RASA1: variants seen among roughly 807,000 people sequenced by gnomAD.
RASA1 encodes the protein RAS p21 protein activator 1.
Under a neutral mutation model 132.2 loss-of-function variants are expected in RASA1, and 25 were observed. The observed-to-expected ratio is 0.19, with a 90% CI of 0.14 to 0.26. The LOEUF (loss-of-function observed/expected upper bound fraction) is 0.26, where lower values mean the gene tolerates loss of function less well. RASA1 is among the 10% of genes least tolerant of loss of function. The pLI is 1.00. For missense variants in RASA1, 964 were observed against 1,299.2 expected, an observed-to-expected ratio of 0.74 and a Z score of 3.97; for synonymous variants, 477 against 449.9, an observed-to-expected ratio of 1.06 and a Z score of -0.76.
Position 87,385,319 on chromosome 5 carries a change from C to G in RASA1, c.2777C>G (p.Ala926Gly), listed in dbSNP as rs1761992874. 1 of 1,609,766 alleles carries G rather than the reference C, an allele frequency of 6.2e-7. No individual in the cohort carries two copies. The highest frequency in any genetic ancestry group is 8.5e-7 in the Non-Finnish European group (1 of 1,176,496). The change falls in exon 22 of 25, where the codon GCT becomes GGT. Residue 926 changes from alanine (A) to glycine (G), a missense_variant. By Grantham distance (60) the Ala-to-Gly change is moderately conservative (BLOSUM62 0). This residue lies in a region of RASA1 where 107 missense variants were observed against 163.8 expected (regional missense o/e 0.65). Coordinates refer to ENST00000274376, the MANE Select transcript of RASA1 (RefSeq NM_002890.3). ...NIISDSPSPI[A>G]ARTLILVAKS... ...GTTACAGATTCTCCATCTCCTATTGCTGCAAGAACACTGATATTAGTGGCT... is the reference window on the plus strand; with the variant it reads ...GTTACAGATTCTCCATCTCCTATTGGTGCAAGAACACTGATATTAGTGGCT...
At chr5:87,319,762 T>G (rs139431289) in intron 1 of RASA1, among the ~76,000 whole-genome samples, 88 of 152,278 alleles carry the variant, frequency 5.8e-4, no homozygotes, top group African/African-American at 1.9e-3. Context: ...TCTTGGCTAT[T>G]AGCATTTGGC....
At position 87,268,795 on chromosome 5, in the gene RASA1, C is replaced by T. The variant is rs576329276; in HGVS notation, c.344C>T (p.Ala115Val). The T allele has an allele frequency of 6.2e-7, 1 of 1,614,114 alleles. No homozygotes were observed. Among genetic ancestry groups the T allele is most frequent in the African/African-American group, 1.3e-5 (1 of 75,044 alleles). The stretch of plus-strand genomic sequence containing the variant: ...GTTGCTGGACCTAGTGGAGACATGG[C>T]TCTCACCAAACTGCCCACTTCGTTG... ...AAVAGPSGDM[A>V]LTKLPTSLLA... The change falls in exon 1 of 25, where the codon GCT (alanine) becomes GTT (valine). Residue 115 changes from alanine to valine, a missense_variant. By Grantham distance (64) the Ala-to-Val change is moderately conservative. Transcript: ENST00000274376.
intron 1 of RASA1, among the ~76,000 whole-genome samples, chr5:87,282,065 G>GT (rs1324422571): frequency 6.6e-6 from 1 of 151,660 alleles, no homozygotes; most frequent in Non-Finnish European, 1.5e-5. Context: ...CAGCTTACTT[G>GT]TTTTTTTCTT....
intron 4 of RASA1, 105 bp downstream of exon 4, chr5:87,333,442 C>T: frequency 6.6e-7 from 1 of 1,519,190 alleles, no homozygotes; most frequent in Non-Finnish European, 8.9e-7. Flanking sequence ...AAATGGCATA[C>T]AGCAAGGTGA....
intron 23 of RASA1, among the ~76,000 whole-genome samples, chr5:87,387,308 A>G (rs1762130601): frequency 6.6e-6 from 1 of 152,176 alleles, no homozygotes; most frequent in Admixed American, 6.5e-5. Context: ...AAGTAGACTG[A>G]AAAGTCTTCT....
At chr5:87,375,059 A>G (rs1761229191) in intron 15 of RASA1, 143 bp downstream of exon 15, 3 of 1,156,510 alleles carry the variant, frequency 2.6e-6, no homozygotes, top group South Asian at 1.6e-5. Flanking sequence ...TGTACTTCTT[A>G]AAGTATTGAT....
At chr5:87,269,896 T>C (rs1017544613) in intron 1 of RASA1, among the ~76,000 whole-genome samples, 11 of 152,150 alleles carry the variant, frequency 7.2e-5, no homozygotes, top group Non-Finnish European at 1.2e-4. Flanking sequence ...GGAAGTGTTA[T>C]TAGGCAAAAC....
chr5:87,296,128 CT>C (rs982774488), intron 1 of RASA1, among the ~76,000 whole-genome samples: 1 of 146,930 alleles, frequency 6.8e-6, no homozygotes, highest in Non-Finnish European at 1.5e-5. Context: ...TTTTTTTTTT[CT>C]TTTTTTTCCT....
At chr5:87,321,119 T>C (rs1756767231) in intron 1 of RASA1, among the ~76,000 whole-genome samples, 1 of 152,152 alleles carries the variant, frequency 6.6e-6, no homozygotes, top group South Asian at 2.1e-4. Flanking sequence ...GAGAGGGTAG[T>C]AATGAATGAA....
chr5:87,297,142 C>T (rs1323428164), intron 1 of RASA1, among the ~76,000 whole-genome samples: 1 of 152,132 alleles, frequency 6.6e-6, no homozygotes, highest in African/African-American at 2.4e-5. Flanking sequence ...ATTTCCGTTT[C>T]TCTGCTTACA....
chr5:87,389,210 A>C, intron 23 of RASA1, 183 bp from the exon 24 acceptor site: 1 of 593,056 alleles, frequency 1.7e-6, no homozygotes, highest in Non-Finnish European at 2.9e-6. Context: ...AGGTGCCTGT[A>C]ATCCCAGCTA....
chr5:87,373,850 TC>T (rs1761126566), intron 13 of RASA1, among the ~76,000 whole-genome samples: 1 of 152,106 alleles, frequency 6.6e-6, no homozygotes, highest in Non-Finnish European at 1.5e-5. Flanking sequence ...CTTCTTAACT[TC>T]ATTTTCTCTT....
intron 20 of RASA1, among the ~76,000 whole-genome samples, chr5:87,381,883 A>G (rs1761740838): frequency 6.6e-6 from 1 of 152,236 alleles, no homozygotes; most frequent in Non-Finnish European, 1.5e-5. Context: ...CCTACTATGT[A>G]TAATTATCAC....
intron 1 of RASA1, among the ~76,000 whole-genome samples, chr5:87,302,501 G>A (rs566226176): frequency 6.8e-6 from 1 of 147,698 alleles, no homozygotes; most frequent in East Asian, 2.0e-4. Flanking sequence ...TCGCACTGTT[G>A]TTTTTTTAAC....
intron 1 of RASA1, among the ~76,000 whole-genome samples, chr5:87,293,013 C>G (rs1181294337): frequency 6.6e-6 from 1 of 152,046 alleles, no homozygotes; most frequent in Non-Finnish European, 1.5e-5. Context: ...TTTGTCAGTT[C>G]TTTAGAATTT....
intron 17 of RASA1, 50 bp downstream of exon 17, chr5:87,377,090 A>G (rs774973601): frequency 1.4e-5 from 22 of 1,543,642 alleles, no homozygotes; most frequent in African/African-American, 6.8e-5. Flanking sequence ...TTTAGATTTT[A>G]TATCAAGGAT....
intron 1 of RASA1, among the ~76,000 whole-genome samples, chr5:87,304,393 A>G (rs1307259828): frequency 6.6e-6 from 1 of 152,024 alleles, no homozygotes; most frequent in African/African-American, 2.4e-5. Flanking sequence ...TTCCCTAACA[A>G]TTCTAGGAAC....
intron 1 of RASA1, among the ~76,000 whole-genome samples, chr5:87,312,937 A>G (rs926076953): frequency 6.6e-6 from 1 of 152,370 alleles, no homozygotes; most frequent in East Asian, 1.9e-4. Context: ...GGAATGATCA[A>G]CTATGAGTAG....
intron 1 of RASA1, among the ~76,000 whole-genome samples, chr5:87,321,698 C>T (rs1756823535): frequency 6.6e-6 from 1 of 152,244 alleles, no homozygotes; most frequent in Admixed American, 6.5e-5. Flanking sequence ...TAGGGTATGC[C>T]ACTCTCCCAG....
Sources: gnomAD v4.1 joint callset for allele counts (sites outside exome capture counted in the v4.1 genomes callset) on GRCh38, gnomAD v4.1.1 for gene constraint, gnomAD v4.1.1 regional missense constraint, MANE v1.5 for transcripts, NCBI Gene and HGNC (gene_info 2026-07-23, HGNC 2026-07-21) for gene names.